Variants in CDH13 observed in about 807,000 individuals in gnomAD.
CDH13 encodes cadherin 13.
A neutral mutation model predicts 63.8 loss-of-function variants in CDH13; 24 were observed. The observed-to-expected ratio is 0.38, with a 90% CI of 0.27 to 0.53. CDH13 has a LOEUF of 0.53. Among genes scored for constraint, CDH13 ranks in the 20% least tolerant of loss-of-function variants. CDH13 has a pLI of 0.85. For missense variants in CDH13, 1,049 were observed against 903.1 expected (o/e 1.16, Z -2.07); for synonymous variants, 503 against 355.3 (o/e 1.42, Z -4.67).
intron 1 of CDH13, among the ~76,000 whole-genome samples, chr16:82,776,447 T>C (rs2035501992): frequency 6.6e-6 from 1 of 152,158 alleles, no homozygotes; most frequent in East Asian, 1.9e-4. Flanking sequence ...CAGCCATGCT[T>C]AGTGGGAGTC....
chr16:83,674,942 A>G (rs1343010526), intron 9 of CDH13, among the ~76,000 whole-genome samples: 2 of 152,186 alleles, frequency 1.3e-5, no homozygotes, highest in Non-Finnish European at 2.9e-5. Flanking sequence ...AGGCCTAAAC[A>G]TAGCTATTCA....
chr16:82,635,627 T>C (rs1291226110), intron 1 of CDH13, among the ~76,000 whole-genome samples: 30 of 152,050 alleles, frequency 2.0e-4, no homozygotes, highest in Admixed American at 2.0e-3. Flanking sequence ...TGGGTAAGAA[T>C]GGAAAGGAAA....
chr16:83,108,459 G>A (rs1323344419), intron 3 of CDH13, among the ~76,000 whole-genome samples: 3 of 152,164 alleles, frequency 2.0e-5, no homozygotes, highest in African/African-American at 7.2e-5. Flanking sequence ...GCGAGAAAGG[G>A]TCCTGCTTGC....
intron 6 of CDH13, among the ~76,000 whole-genome samples, chr16:83,486,210 G>A (rs951166648): frequency 2.6e-5 from 4 of 152,136 alleles, no homozygotes; most frequent in Non-Finnish European, 4.4e-5. Context: ...AATAAACAGT[G>A]TATCACCAGA....
At chr16:83,213,791 G>C (rs2039407708) in intron 4 of CDH13, among the ~76,000 whole-genome samples, 1 of 152,290 alleles carries the variant, frequency 6.6e-6, no homozygotes, top group African/African-American at 2.4e-5. Flanking sequence ...GGGACTTGCA[G>C]AACTTTTCTT....
At chr16:83,145,089 C>T (rs1361135452) in intron 4 of CDH13, among the ~76,000 whole-genome samples, 1 of 152,156 alleles carries the variant, frequency 6.6e-6, no homozygotes, top group African/African-American at 2.4e-5. Flanking sequence ...TTTGGGTCTC[C>T]ATCCATATGC....
Position 83,080,873 on chromosome 16 carries a change from T to TTTTTTTTTG in CDH13, c.367-44504_367-44503insGTTTTTTTT, listed in dbSNP as rs2033189774. ...ATAGAGTTTTGTTTTGTTTTTGTGT[T>TTTTTTTTTG]TTTTTTTTTTTTTTTTTTTTTTTTT... On this transcript the variant is annotated intron_variant, in intron 3 of 13. Coordinates refer to ENST00000567109, the MANE Select transcript of CDH13 (RefSeq NM_001257.5). Among the ~76,000 whole-genome samples the TTTTTTTTTG allele has an allele frequency of 3.5e-5, 3 of 86,034 alleles. No individual in the cohort carries two copies. In the South Asian group the frequency reaches 1.3e-3, roughly 37 times the overall value. The allele number at this position is 86,034 out of a possible 152,430, so 56.4% of individuals were successfully genotyped here.
chr16:83,462,871 A>G (rs1047996211), intron 6 of CDH13, among the ~76,000 whole-genome samples: 1 of 152,156 alleles, frequency 6.6e-6, no homozygotes, highest in African/African-American at 2.4e-5. Flanking sequence ...ATAAAAGTTT[A>G]TGTAATACCT....
At chr16:82,844,781 A>C (rs2039188341) in intron 1 of CDH13, 1 of 142,704 alleles carries the variant, frequency 7.0e-6, no homozygotes, top group African/African-American at 2.6e-5. Context: ...CTGGGACTAC[A>C]GGCGCCCGCC....
chr16:83,022,720 G>A (rs987128611), intron 2 of CDH13, among the ~76,000 whole-genome samples: 8 of 152,150 alleles, frequency 5.3e-5, no homozygotes, highest in African/African-American at 1.2e-4. Flanking sequence ...ATGTACAAGT[G>A]GAATCTGACC....
chr16:82,925,513 C>G (rs751630149), intron 2 of CDH13, among the ~76,000 whole-genome samples: 5 of 152,214 alleles, frequency 3.3e-5, no homozygotes, highest in Non-Finnish European at 5.9e-5. Flanking sequence ...TTGGCTAGAA[C>G]AGGTCATGCA....
rs544335431 is a variant in CDH13, at chr16:83,263,721, A to G, written c.636+46224A>G. Among the ~76,000 whole-genome samples, 5 of 152,298 alleles carry G rather than the reference A, an allele frequency of 3.3e-5. No individual in the cohort carries two copies. In the South Asian group the frequency reaches 1.0e-3, roughly 32 times the overall value. On this transcript the variant is annotated intron_variant, in intron 5 of 13. Transcript: ENST00000567109. The stretch of plus-strand genomic sequence containing the variant: ...GTCATCCAGGTTCTCAAACCCCATG[A>G]TGAACGGTGCAGGCAGGGAGAGTGG...
At chr16:83,437,543 G>A (rs2072344178) in intron 6 of CDH13, among the ~76,000 whole-genome samples, 1 of 151,968 alleles carries the variant, frequency 6.6e-6, no homozygotes, top group African/African-American at 2.4e-5. Flanking sequence ...TGGGCGTAGT[G>A]GGACATGCCT....
chr16:83,057,893 A>T (rs1202236185), intron 3 of CDH13, among the ~76,000 whole-genome samples: 1 of 152,204 alleles, frequency 6.6e-6, no homozygotes, highest in Non-Finnish European at 1.5e-5. Context: ...TAATTCCTTA[A>T]CATCAATGGT....
At chr16:82,746,852 C>G (rs1053119143) in intron 1 of CDH13, among the ~76,000 whole-genome samples, 1 of 152,032 alleles carries the variant, frequency 6.6e-6, no homozygotes, top group East Asian at 1.9e-4. Flanking sequence ...TTTTTTGTAA[C>G]GATCACTTAT....
chr16:83,392,064 C>T (rs1012056606), intron 6 of CDH13, among the ~76,000 whole-genome samples: 17 of 152,118 alleles, frequency 1.1e-4, no homozygotes, highest in African/African-American at 3.9e-4. Context: ...GTAACACCCC[C>T]GATTATTGTG....
chr16:83,511,174 G>C (rs932886320), intron 7 of CDH13, among the ~76,000 whole-genome samples: 2 of 152,186 alleles, frequency 1.3e-5, no homozygotes, highest in Non-Finnish European at 1.5e-5. Context: ...ACACAGAATG[G>C]TTCGTGGCCG....
At chr16:83,241,982 G>T (rs1436013865) in intron 5 of CDH13, among the ~76,000 whole-genome samples, 4 of 152,062 alleles carry the variant, frequency 2.6e-5, no homozygotes, top group African/African-American at 9.7e-5. Context: ...TCACATTTAG[G>T]TCTTTAATCC....
intron 6 of CDH13, among the ~76,000 whole-genome samples, chr16:83,352,207 T>C (rs1432931085): frequency 6.8e-6 from 1 of 147,844 alleles, no homozygotes; most frequent in African/African-American, 2.5e-5. Flanking sequence ...TAGGTGACCA[T>C]AAAACACGTT....
Sources: gnomAD v4.1 joint callset for allele counts (sites outside exome capture counted in the v4.1 genomes callset) on GRCh38, gnomAD v4.1.1 for gene constraint, MANE v1.5 for transcripts, NCBI Gene and HGNC (gene_info 2026-07-23, HGNC 2026-07-21) for gene names.